EPRS1: variants seen among roughly 807,000 people sequenced by gnomAD.
EPRS1 encodes glutamyl-prolyl-tRNA synthetase 1.
In EPRS1, 107 loss-of-function variants were observed where a neutral mutation model predicts 188.3. The observed-to-expected ratio is 0.57, with a 90% CI of 0.49 to 0.67. The LOEUF (loss-of-function observed/expected upper bound fraction) is 0.67, where lower values mean the gene tolerates loss of function less well. Ranked by LOEUF, EPRS1 falls within the 30% of genes least tolerant of loss-of-function variation. EPRS1 has a pLI of 0.00. For missense variants in EPRS1, 1,577 were observed against 1,802.2 expected, an observed-to-expected ratio of 0.88 and a Z score of 2.26; for synonymous variants, 596 against 593.1, an observed-to-expected ratio of 1.00 and a Z score of -0.07.
chr1:220,015,846 T>A lies in EPRS1; in HGVS notation c.1494+2603A>T, dbSNP rs186455027. 4.0e-5 allele frequency among the ~76,000 whole-genome samples: 6 copies of A among 151,476 alleles called. No homozygotes were observed. The East Asian group carries it at 1.2e-3, about 29-fold the overall frequency. On this transcript the variant is annotated intron_variant, in intron 12 of 31. Transcript: ENST00000366923. ...ATGGGGCAATGTTCTGTAATGTCCA[T>A]TACAGAATAAAAGCAAAGGGAATCC...
intron 12 of EPRS1, 197 bp downstream of exon 12, chr1:220,018,252 T>C (rs1235890109): frequency 9.9e-7 from 1 of 1,007,048 alleles, no homozygotes; most frequent in East Asian, 2.7e-5. Context: ...CATTGTTACT[T>C]ATTTGGAATA....
intron 30 of EPRS1, among the ~76,000 whole-genome samples, chr1:219,971,801 T>TATATATATATATATATATACACACAC (rs1357628193): frequency 4.2e-5 from 6 of 144,110 alleles, no homozygotes; most frequent in African/African-American, 1.0e-4. Context: ...TATATACATA[T>TATATATATATATATATATACACACAC]ACACACACAC....
chr1:220,012,273 A>C (rs1661619274), intron 12 of EPRS1, among the ~76,000 whole-genome samples: 1 of 152,168 alleles, frequency 6.6e-6, no homozygotes, highest in South Asian at 2.1e-4. Context: ...TTCTCCTTTC[A>C]GCTTCTACTG....
At chr1:219,996,080 G>A (rs1179217583) in intron 18 of EPRS1, among the ~76,000 whole-genome samples, 2 of 152,054 alleles carry the variant, frequency 1.3e-5, no homozygotes, top group Non-Finnish European at 2.9e-5. Flanking sequence ...TGCTGTTTGA[G>A]GAGAACTACA....
chr1:220,025,234 T>A lies in EPRS1; in HGVS notation c.648A>T (p.Lys216Asn). ...GGTAGTGCTGGTTCAGAAGAGCAGC[T>A]TTTGCATGCCCAATGTGTAAGTAAC... Reference protein sequence around the residue: ...ASGYLHIGHAKAALLNQHYQV... With the variant: ...ASGYLHIGHANAALLNQHYQV... The change falls in exon 7 of 32, where the codon AAA becomes AAT. Residue 216 changes from lysine to asparagine, a missense_variant. By Grantham distance (94) the Lys-to-Asn change is moderately conservative. Coordinates refer to ENST00000366923, the MANE Select transcript of EPRS1 (RefSeq NM_004446.3). 2 of 1,610,108 alleles carry A rather than the reference T, an allele frequency of 1.2e-6. No homozygotes were observed. The highest frequency in any genetic ancestry group is 1.7e-6 in the Non-Finnish European group (2 of 1,178,406).
intron 17 of EPRS1, among the ~76,000 whole-genome samples, chr1:219,997,852 A>C (rs1661266368): frequency 6.6e-6 from 1 of 152,206 alleles, no homozygotes; most frequent in Admixed American, 6.5e-5. Context: ...ATTTTTTTAG[A>C]GATGAAATAC....
chr1:219,989,585 C>A (rs938801032), intron 18 of EPRS1, among the ~76,000 whole-genome samples: 1 of 152,106 alleles, frequency 6.6e-6, no homozygotes, highest in South Asian at 2.1e-4. Flanking sequence ...CTGCTACATT[C>A]GAATAATGCT....
chr1:219,987,414 A>G lies in EPRS1; in HGVS notation c.2776-10T>C, dbSNP rs1307152058. On this transcript the variant is annotated splice_polypyrimidine_tract_variant and intron_variant, in intron 19 of 31. Coordinates refer to ENST00000366923, the MANE Select transcript of EPRS1 (RefSeq NM_004446.3). ...CTATATCTACTTGATCCTTTAGTTT[A>G]ACAAAAGAGGAAAAAGAGAAGACAG... is the stretch of plus-strand genomic sequence containing the variant. 2 of 1,578,970 alleles carry G rather than the reference A, an allele frequency of 1.3e-6. No homozygotes were observed. Among genetic ancestry groups the G allele is most frequent in the African/African-American group, 2.7e-5 (2 of 72,958 alleles).
At chr1:220,039,259 G>A (rs750077257) in intron 2 of EPRS1, among the ~76,000 whole-genome samples, 4 of 152,040 alleles carry the variant, frequency 2.6e-5, no homozygotes, top group Admixed American at 6.6e-5. Flanking sequence ...GGGTGCCAAG[G>A]GATCCCATTA....
chr1:220,034,168 A>G (rs1184564216), intron 3 of EPRS1, among the ~76,000 whole-genome samples: 1 of 152,230 alleles, frequency 6.6e-6, no homozygotes, highest in Non-Finnish European at 1.5e-5. Flanking sequence ...TCGGTCAATG[A>G]CAGACTGCAT....
chr1:219,976,274 G>A (rs780761272), intron 28 of EPRS1, among the ~76,000 whole-genome samples: 1 of 152,154 alleles, frequency 6.6e-6, no homozygotes, highest in African/African-American at 2.4e-5. Flanking sequence ...TCAAGATCAC[G>A]ATAATCAAAG....
At chr1:219,974,260 A>G (rs575379774) in intron 28 of EPRS1, among the ~76,000 whole-genome samples, 1 of 152,230 alleles carries the variant, frequency 6.6e-6, no homozygotes, top group African/African-American at 2.4e-5. Flanking sequence ...TTGTATTTCT[A>G]ACAAGTTTCC....
At chr1:220,024,509 C>A (rs930259007) in intron 7 of EPRS1, 53 bp from the exon 8 acceptor site, 14 of 1,274,268 alleles carry the variant, frequency 1.1e-5, no homozygotes, top group Non-Finnish European at 1.5e-5. Context: ...TTTTTTCGTG[C>A]ATTTTCAACC....
intron 18 of EPRS1, among the ~76,000 whole-genome samples, chr1:219,989,648 A>G (rs1356043402): frequency 6.6e-6 from 1 of 152,254 alleles, no homozygotes. Context: ...TCAAATGGGC[A>G]TCAGAGGAAT....
intron 28 of EPRS1, among the ~76,000 whole-genome samples, chr1:219,976,034 C>T (rs946545138): frequency 6.6e-6 from 1 of 152,062 alleles, no homozygotes; most frequent in Non-Finnish European, 1.5e-5. Context: ...CAAGATAAGC[C>T]TACAACATCT....
rs35055527 is a variant in EPRS1 at position 219,968,904 on chromosome 1, T to C, written c.4441A>G (p.Ile1481Val). 8.9e-5 allele frequency: 143 copies of C among 1,614,076 alleles called. No individual in the cohort carries two copies. The African/African-American group carries it at 1.8e-3, about 20-fold the overall frequency. ...APSMGAKSLC[I>V]PFKPLCELQP... ...AGTTCACAGAGTGGTTTGAAGGGGA[T>C]GCAAAGGCTTTTAGCTCCCATGGAT... Residue 1481 changes from isoleucine to valine, a missense_variant, in exon 32 of 32, where the codon ATC becomes GTC. Around this residue, in one of 3 missense-constraint regions of EPRS1, gnomAD observed 296 missense variants for 327.9 expected, o/e 0.90. Transcript: ENST00000366923.
chr1:219,973,910 T>A (rs551500144), intron 28 of EPRS1, among the ~76,000 whole-genome samples: 3 of 152,250 alleles, frequency 2.0e-5, no homozygotes, highest in Admixed American at 2.0e-4. Context: ...CAGAGTCTTT[T>A]ATTAGAGTAG....
At position 219,982,777 on chromosome 1, in the gene EPRS1, T is replaced by G; in HGVS notation, c.3368A>C (p.Glu1123Ala). 1 of 1,613,938 alleles carries G rather than the reference T, an allele frequency of 6.2e-7. No individual in the cohort carries two copies. Among genetic ancestry groups the G allele is most frequent in the Non-Finnish European group, 8.5e-7 (1 of 1,179,796 alleles). ...AEPIAIRPTS[E>A]TVMYPAYAKW... ...ACTCCAATGCCTATTCTCACCTGTT[T>G]CACTAGTAGGACGAATGGCAATTGG... Residue 1123 changes from glutamate (E) to alanine (A), a missense_variant, in exon 23 of 32, where the codon GAA (glutamate) becomes GCA (alanine). Physicochemically the swap from Glu to Ala is moderately radical, Grantham distance 107 (BLOSUM62 -1). Around this residue, in one of 3 missense-constraint regions of EPRS1, gnomAD observed 1,278 missense variants for 1,457.4 expected, o/e 0.88. Coordinates refer to ENST00000366923, the MANE Select transcript of EPRS1 (RefSeq NM_004446.3).
chr1:220,025,644 C>T (rs1018214987), intron 6 of EPRS1, among the ~76,000 whole-genome samples: 1 of 152,104 alleles, frequency 6.6e-6, no homozygotes, highest in African/African-American at 2.4e-5. Context: ...ATAAGACCTA[C>T]TACTACTGAG....
Sources: gnomAD v4.1 joint callset for allele counts (sites outside exome capture counted in the v4.1 genomes callset) on GRCh38, gnomAD v4.1.1 for gene constraint, gnomAD v4.1.1 regional missense constraint, MANE v1.5 for transcripts, NCBI Gene and HGNC (gene_info 2026-07-23, HGNC 2026-07-21) for gene names.